Variants in GRIK5 observed in about 807,000 individuals in gnomAD.
The protein encoded by GRIK5 is glutamate receptor ionotropic, kainate 5.
A neutral mutation model predicts 97.4 loss-of-function variants in GRIK5; 43 were observed. That is an observed-to-expected ratio of 0.44 (90% CI 0.35 to 0.57). GRIK5 has a LOEUF of 0.57. Among genes scored for constraint, GRIK5 ranks in the 20% least tolerant of loss-of-function variants. The pLI, the probability that GRIK5 is intolerant of heterozygous loss-of-function variation, is 0.01. For synonymous variants in GRIK5, 580 were observed against 583.5 expected, an observed-to-expected ratio of 0.99 and a Z score of 0.09; for missense variants, 1,015 against 1,382.0, an observed-to-expected ratio of 0.73 and a Z score of 4.21.
At position 42,003,492 on chromosome 19, in the gene GRIK5, G is replaced by A; in HGVS notation, c.2393-39C>T. 5 of 1,611,266 alleles carry A rather than the reference G, an allele frequency of 3.1e-6. No homozygotes were observed. The highest frequency in any genetic ancestry group is 4.2e-6 in the Non-Finnish European group (5 of 1,178,010). Reference sequence around the variant, plus strand: ...GGAGTTGGGGGGCAAAGGGAGTTGGGGCTGTGTGGGAAGGGGGCTGGGAGG... The same window carrying A: ...GGAGTTGGGGGGCAAAGGGAGTTGGAGCTGTGTGGGAAGGGGGCTGGGAGG... On this transcript the variant is annotated intron_variant, in intron 18 of 19. Transcript: ENST00000593562. The surrounding 1 kb of genome is among the most constrained non-coding windows in gnomAD (Gnocchi z 4.2).
At chr19:42,043,336 C>T (rs2076002354) in intron 11 of GRIK5, among the ~76,000 whole-genome samples, 1 of 152,098 alleles carries the variant, frequency 6.6e-6, no homozygotes, top group South Asian at 2.1e-4. Flanking sequence ...TATTCCCTCA[C>T]CAGGGTTTAG....
chr19:42,010,934 G>A (rs1371228905), intron 15 of GRIK5, among the ~76,000 whole-genome samples: 2 of 151,974 alleles, frequency 1.3e-5, no homozygotes, highest in Admixed American at 6.6e-5. Flanking sequence ...GCCTCCCACG[G>A]AGCTGGGACC....
chr19:42,068,502 C>G (rs994418370), intron 1 of GRIK5: 5 of 377,788 alleles, frequency 1.3e-5, no homozygotes, highest in Admixed American at 4.6e-5. Context: ...GACTGAGGAG[C>G]CGGGCACCCA....
intron 8 of GRIK5, among the ~76,000 whole-genome samples, chr19:42,054,775 A>G (rs1019948125): frequency 2.6e-5 from 4 of 152,162 alleles, no homozygotes; most frequent in African/African-American, 7.2e-5. Flanking sequence ...ATGGGCAGGT[A>G]TGTCTGTGAA....
chr19:42,018,051 C>T (rs551212346), intron 15 of GRIK5, among the ~76,000 whole-genome samples: 152 of 150,854 alleles, frequency 1.0e-3, no homozygotes, highest in Non-Finnish European at 1.7e-3. Flanking sequence ...TGGTGGCTCA[C>T]GCCTGTAATC....
At chr19:42,011,181 C>T (rs754438928) in intron 15 of GRIK5, among the ~76,000 whole-genome samples, 4 of 151,868 alleles carry the variant, frequency 2.6e-5, no homozygotes, top group African/African-American at 4.8e-5. Flanking sequence ...ATGCAGAGCT[C>T]AAAGGACGGG....
At chr19:42,032,625 T>C (rs547709763) in intron 12 of GRIK5, among the ~76,000 whole-genome samples, 26 of 152,312 alleles carry the variant, frequency 1.7e-4, no homozygotes, top group African/African-American at 5.1e-4. Context: ...GGAATCCTTA[T>C]ATCCTCACTT....
At chr19:42,019,060 C>G (rs1280528831) in intron 15 of GRIK5, among the ~76,000 whole-genome samples, 1 of 152,134 alleles carries the variant, frequency 6.6e-6, no homozygotes, top group Non-Finnish European at 1.5e-5. Flanking sequence ...TGGGGGCTGT[C>G]TGGGTGACAG....
intron 12 of GRIK5, among the ~76,000 whole-genome samples, chr19:42,040,556 A>C (rs1203803997): frequency 6.6e-6 from 1 of 152,118 alleles, no homozygotes; most frequent in East Asian, 1.9e-4. Flanking sequence ...TTTGGGCTTC[A>C]GGCTTTAAAA....
intron 12 of GRIK5, among the ~76,000 whole-genome samples, chr19:42,031,409 G>A (rs2075839415): frequency 6.6e-6 from 1 of 152,174 alleles, no homozygotes; most frequent in Non-Finnish European, 1.5e-5. Flanking sequence ...GACTCCATGG[G>A]TCAGTGCGCC....
intron 5 of GRIK5, among the ~76,000 whole-genome samples, chr19:42,060,261 C>T (rs1446245655): frequency 1.3e-5 from 2 of 151,400 alleles, no homozygotes; most frequent in Non-Finnish European, 2.9e-5. Flanking sequence ...AAAAAAGGTA[C>T]TTGTTGAGCA....
intron 11 of GRIK5, among the ~76,000 whole-genome samples, chr19:42,049,382 C>CAGCAAAA (rs953549321): frequency 3.2e-4 from 49 of 152,166 alleles, no homozygotes; most frequent in African/African-American, 1.2e-3. Context: ...CTATTCCTAA[C>CAGCAAAA]AGCAAAAAGC....
At position 42,065,657 on chromosome 19, in the gene GRIK5, T is replaced by A. The variant is rs773217722; in HGVS notation, c.79+35A>T. 1 of 1,514,676 alleles carries A rather than the reference T, an allele frequency of 6.6e-7. No individual in the cohort carries two copies. Among genetic ancestry groups the A allele is most frequent in the East Asian group, 2.5e-5 (1 of 40,718 alleles). 93.8% of individuals were successfully genotyped at this position (1,514,676 alleles called of 1,614,324 possible). On this transcript the variant is annotated intron_variant, in intron 2 of 19. Transcript: ENST00000593562. The surrounding 1 kb of genome is among the most constrained non-coding windows in gnomAD (Gnocchi z 5.8). ...GGGTCCCCAGAGGAGCCCCAGGGCC[T>A]GAGGATGCAGGGGCAGGGTGCGGGA...
At chr19:42,004,041 C>T (rs552054079) in intron 17 of GRIK5, among the ~76,000 whole-genome samples, 29 of 152,304 alleles carry the variant, frequency 1.9e-4, no homozygotes, top group African/African-American at 6.5e-4. Flanking sequence ...GTCTTAGGAC[C>T]TTTGCCTCTG....
At chr19:42,016,507 C>T (rs1053849774) in intron 15 of GRIK5, among the ~76,000 whole-genome samples, 1 of 152,208 alleles carries the variant, frequency 6.6e-6, no homozygotes, top group Non-Finnish European at 1.5e-5. Flanking sequence ...CCCCTGAGGA[C>T]ACAGTGTGGA....
intron 11 of GRIK5, among the ~76,000 whole-genome samples, chr19:42,044,008 A>G (rs555186514): frequency 1.3e-5 from 2 of 152,282 alleles, no homozygotes; most frequent in Admixed American, 6.5e-5. Context: ...CCTATGTGTC[A>G]AGGGAGAGAC....
At chr19:42,069,204 C>T (rs2146200910) in intron 1 of GRIK5, 37 bp downstream of exon 1, 1 of 347,050 alleles carries the variant, frequency 2.9e-6, no homozygotes, top group African/African-American at 2.1e-5. Context: ...TTCCAGGACC[C>T]AGAACCCAGC....
Position 41,998,957 on chromosome 19 carries a change from C to T in GRIK5, c.2857G>A (p.Gly953Ser), listed in dbSNP as rs1240828484. 2 of 1,152,634 alleles carry T rather than the reference C, an allele frequency of 1.7e-6. No homozygotes were observed. The highest frequency in any genetic ancestry group is 3.3e-5 in the African/African-American group (2 of 60,648). 71.4% of individuals were successfully genotyped at this position (1,152,634 alleles called of 1,614,324 possible). ...GTGGCTTCGGCGGGGACGCCCAGGC[C>T]ACGCGGAGGCGCGCCGGCCCCCGAG... ...RASGAGAPPRGLGVPAEATSP... is the reference protein window; with the variant it reads ...RASGAGAPPRSLGVPAEATSP... The change falls in exon 20 of 20, where the codon GGC (glycine) becomes AGC (serine). Residue 953 changes from glycine (G) to serine (S), a missense_variant. By Grantham distance (56) the Gly-to-Ser change is moderately conservative (BLOSUM62 0). Transcript: ENST00000593562.
intron 11 of GRIK5, among the ~76,000 whole-genome samples, chr19:42,044,058 T>A (rs1180077454): frequency 1.3e-5 from 2 of 152,198 alleles, no homozygotes; most frequent in Non-Finnish European, 1.5e-5. Flanking sequence ...GTTTCCCCCA[T>A]GCTCTTCTAG....
Sources: gnomAD v4.1 joint callset for allele counts (sites outside exome capture counted in the v4.1 genomes callset) on GRCh38, gnomAD v4.1.1 for gene constraint, Gnocchi (gnomAD v3.1) non-coding constraint, MANE v1.5 for transcripts, NCBI Gene and HGNC (gene_info 2026-07-23, HGNC 2026-07-21) for gene names.